Variants in MUC12 observed in about 807,000 individuals in gnomAD.
MUC12 encodes mucin-12.
In MUC12, 172 loss-of-function variants were observed where a neutral mutation model predicts 230.8. The ratio of observed to expected loss-of-function variants is 0.75; its 90% CI spans 0.66 to 0.85. The LOEUF (loss-of-function observed/expected upper bound fraction) is 0.85, where lower values mean the gene tolerates loss of function less well. Among genes scored for constraint, MUC12 ranks in the 40% least tolerant of loss-of-function variants. MUC12 has a pLI of 0.00. For missense variants in MUC12, 3,506 were observed against 5,920.6 expected, an observed-to-expected ratio of 0.59 and a Z score of 13.38; for synonymous variants, 1,259 against 2,401.9, an observed-to-expected ratio of 0.52 and a Z score of 13.91.
At position 100,978,006 on chromosome 7, in the gene MUC12, G is replaced by A. The variant is rs1346443840; in HGVS notation, c.67+8317G>A. Among the ~76,000 whole-genome samples, 3 of 152,220 alleles carry A rather than the reference G, an allele frequency of 2.0e-5. No individual in the cohort carries two copies. The East Asian group carries it at 5.8e-4, about 29-fold the overall frequency. On this transcript the variant is annotated intron_variant, in intron 1 of 11. Transcript: ENST00000536621. ...TTTCTCTGACAAGTATGCAGATTTA[G>A]GGCCCATCCTAAATCTGATCTTGAG...
At chr7:101,015,841 C>T (rs115309137) in intron 10 of MUC12, 150 bp downstream of exon 10, 12,229 of 678,720 alleles carry the variant, frequency 0.018, 557 homozygotes, top group African/African-American at 0.14. Flanking sequence ...GCTGCAGCCC[C>T]GGACCCAGAC....
In MUC12 at chr7:101,009,374, G is replaced by A. The variant is rs140780633; in HGVS notation, c.15251+215G>A. 1.0e-3 allele frequency among the ~76,000 whole-genome samples: 156 copies of A among 152,342 alleles called. 1 individual carries two copies. The highest frequency in any genetic ancestry group is 3.5e-3 in the African/African-American group (147 of 41,582). ...GTTGAAAGCCAGCCCCCTGCTGGGT[G>A]CTGGGAACACAGTAGTCCCAGTTTT... On this transcript the variant is annotated intron_variant, in intron 5 of 11. Coordinates refer to ENST00000536621, the MANE Select transcript of MUC12 (RefSeq NM_001164462.2).
At position 101,012,852 on chromosome 7, in the gene MUC12, T is replaced by G. The variant is rs1049850737; in HGVS notation, c.15437T>G (p.Phe5146Cys). The change falls in exon 7 of 12, where the codon TTC (phenylalanine) becomes TGC (cysteine). Residue 5146 changes from phenylalanine (F) to cysteine (C), a missense_variant. Transcript: ENST00000536621. ...AILCYSEEDT[F>C]VDSSVTPGFD... Reference sequence around the variant, plus strand: ...CTGTGCTATAGTGAAGAGGACACTTTCGTGGATTCATCGGTGACTCCGGGC... The same window carrying G: ...CTGTGCTATAGTGAAGAGGACACTTGCGTGGATTCATCGGTGACTCCGGGC... 2.0e-6 allele frequency: 3 copies of G among 1,537,142 alleles called. No homozygotes were observed. Among genetic ancestry groups the G allele is most frequent in the East Asian group, 2.4e-5 (1 of 40,912 alleles).
In MUC12 at chr7:100,992,235, C is replaced by G; in HGVS notation, c.1672C>G (p.Pro558Ala). Residue 558 changes from proline to alanine, a missense_variant, in exon 2 of 12, where the codon CCC (proline) becomes GCC (alanine). Transcript: ENST00000536621. ...ESTASHSSPG[P>A]TDTTLSPGST... ...TACAGCTTCCCACAGCAGCCCAGGCCCCACAGACACAACATTGTCCCCTGG... is the reference window on the plus strand; with the variant it reads ...TACAGCTTCCCACAGCAGCCCAGGCGCCACAGACACAACATTGTCCCCTGG... 6.5e-7 allele frequency: 1 copy of G among 1,537,112 alleles called. No homozygotes were observed. Among genetic ancestry groups the G allele is most frequent in the African/African-American group, 1.4e-5 (1 of 73,054 alleles).
In MUC12 at chr7:101,002,860, C is replaced by A. The variant is rs1219952713; in HGVS notation, c.12297C>A (p.Val4099=). 3 of 1,072,424 alleles carry A rather than the reference C, an allele frequency of 2.8e-6. No individual in the cohort carries two copies. Among genetic ancestry groups the A allele is most frequent in the South Asian group, 3.1e-5 (2 of 65,572 alleles). The allele number at this position is 1,072,424 out of a possible 1,614,324, so 66.4% of individuals were successfully genotyped here. ...CTTCACCTCCCAGCACCACAGCAGT[C>A]CCTGTTGAAGTATCCACAACCTACC... ...TTPSPPSTTA[V]PVEVSTTYHS... The change falls in exon 2 of 12, where the codon GTC becomes GTA. Residue 4099 remains valine, a synonymous_variant. Transcript: ENST00000536621.
Position 100,993,383 on chromosome 7 carries a change from C to G in MUC12, c.2820C>G (p.Ser940Arg). 9.7e-7 allele frequency: 1 copy of G among 1,027,756 alleles called. No individual in the cohort carries two copies. The highest frequency in any genetic ancestry group is 1.3e-6 in the Non-Finnish European group (1 of 762,744). 63.7% of individuals were successfully genotyped at this position (1,027,756 alleles called of 1,614,324 possible). A position where few individuals can be genotyped will look rare whatever the true frequency, so the allele number is the denominator to read the frequency against. ...SFGQESTTFHSNPGSTHTTLF... is the reference protein window; with the variant it reads ...SFGQESTTFHRNPGSTHTTLF... ...GTCAAGAATCTACAACCTTCCACAG[C>G]AACCCAGGCTCCACTCACACAACAC... Residue 940 changes from serine to arginine, a missense_variant, in exon 2 of 12, where the codon AGC becomes AGG. Coordinates refer to ENST00000536621, the MANE Select transcript of MUC12 (RefSeq NM_001164462.2).
chr7:101,017,037 G>C (rs1266501426), intron 10 of MUC12: 1 of 151,938 alleles, frequency 6.6e-6, no homozygotes, highest in Non-Finnish European at 1.5e-5. Context: ...AGGACAGGTA[G>C]GGCATGAGGA....
In MUC12 at chr7:100,995,528, C is replaced by T. The variant is rs748324320; in HGVS notation, c.4965C>T (p.Gly1655=). 1.1e-5 allele frequency: 17 copies of T among 1,536,164 alleles called. No individual in the cohort carries two copies. The highest frequency in any genetic ancestry group is 3.9e-5 in the Admixed American group (2 of 50,912). The change falls in exon 2 of 12, where the codon GGC becomes GGT. Residue 1655 remains glycine (G), a synonymous_variant. Transcript: ENST00000536621. ...TACCTGACAACACCACAGCCTCAGG[C>T]CTCCTTGAAGCATCTACGCCCGTCC... ...TLLPDNTTAS[G]LLEASTPVHS... is the part of the protein sequence containing the mutation.
intron 3 of MUC12, among the ~76,000 whole-genome samples, chr7:101,006,993 C>G (rs1201374247): frequency 6.6e-6 from 1 of 152,156 alleles, no homozygotes; most frequent in Non-Finnish European, 1.5e-5. Context: ...GAGTCTCGCT[C>G]TGTCTCCCAG....
At chr7:100,975,803 C>G (rs960561627) in intron 1 of MUC12, among the ~76,000 whole-genome samples, 907 of 151,810 alleles carry the variant, frequency 6.0e-3, no homozygotes, top group African/African-American at 0.021. Flanking sequence ...ACTGCATTGT[C>G]TGAACTTCCA....
chr7:100,981,548 A>T (rs1793106313), intron 1 of MUC12: 1 of 439,222 alleles, frequency 2.3e-6, no homozygotes, highest in Admixed American at 4.2e-5. Context: ...TTTCAGAAAG[A>T]GGAAGGGCAG....
At position 100,993,018 on chromosome 7, in the gene MUC12, C is replaced by T; in HGVS notation, c.2455C>T (p.Leu819Phe). 16 of 1,536,982 alleles carry T rather than the reference C, an allele frequency of 1.0e-5. No individual in the cohort carries two copies. Among genetic ancestry groups the T allele is most frequent in the Non-Finnish European group, 1.3e-5 (15 of 1,147,042 alleles). Reference protein sequence around the residue: ...ALPGSTTTPGLSERSTTFHSS... With the variant: ...ALPGSTTTPGFSERSTTFHSS... ...ACCCGGCAGTACCACAACGCCAGGC[C>T]TCAGTGAGAGATCTACCACTTTCCA... The change falls in exon 2 of 12, where the codon CTC becomes TTC. Residue 819 changes from leucine (L) to phenylalanine (F), a missense_variant. Coordinates refer to ENST00000536621, the MANE Select transcript of MUC12 (RefSeq NM_001164462.2).
At position 101,015,688 on chromosome 7, in the gene MUC12, G is replaced by A. The variant is rs772768913; in HGVS notation, c.15874G>A (p.Glu5292Lys). The change falls in exon 10 of 12, where the codon GAA becomes AAA. Residue 5292 changes from glutamate to lysine, a missense_variant. Transcript: ENST00000536621. ...PGIFQKTAIW[E>K]DQNLRESRFG... ...CATCTTCCAGAAGACGGCCATCTGG[G>A]AAGGTACCTCTAGTTAAGGGCAAGG... is the stretch of plus-strand genomic sequence containing the variant. 21 of 1,537,434 alleles carry A rather than the reference G, an allele frequency of 1.4e-5. No homozygotes were observed. In the South Asian group the frequency reaches 2.5e-4, roughly 18 times the overall value.
At position 101,013,055 on chromosome 7, in the gene MUC12, G is replaced by A; in HGVS notation, c.15551G>A (p.Cys5184Tyr). The A allele has an allele frequency of 6.5e-7, 1 of 1,537,368 alleles. No individual in the cohort carries two copies. The highest frequency in any genetic ancestry group is 8.7e-7 in the Non-Finnish European group (1 of 1,146,940). ...GATGTCTTGGATGGGAAGCTGGCCT[G>A]TGTGAACAAGTGCACCAAAGGAACG... ...YVDVLDGKLA[C>Y]VNKCTKGTKS... Residue 5184 changes from cysteine to tyrosine, a missense_variant, in exon 8 of 12, where the codon TGT becomes TAT. Cys to Tyr is a radical substitution (Grantham distance 194). Coordinates refer to ENST00000536621, the MANE Select transcript of MUC12 (RefSeq NM_001164462.2).
chr7:101,011,895 A>G (rs557109010), intron 5 of MUC12, among the ~76,000 whole-genome samples: 1 of 152,194 alleles, frequency 6.6e-6, no homozygotes, highest in Non-Finnish European at 1.5e-5. Flanking sequence ...GTTATTTTGT[A>G]TATATACCCA....
chr7:101,013,250 C>A (rs1793864272), intron 8 of MUC12, 108 bp downstream of exon 8: 2 of 1,238,066 alleles, frequency 1.6e-6, no homozygotes, highest in East Asian at 2.5e-5. Flanking sequence ...TTGGGAGGTG[C>A]CTCCTCCCCA....
intron 2 of MUC12, among the ~76,000 whole-genome samples, chr7:101,006,172 T>C (rs1783763922): frequency 6.6e-6 from 1 of 152,130 alleles, no homozygotes. Flanking sequence ...TCCAACTCTT[T>C]CTCCTCCCTG....
At chr7:101,007,888 C>G (rs1264383968) in intron 3 of MUC12, among the ~76,000 whole-genome samples, 5 of 151,000 alleles carry the variant, frequency 3.3e-5, no homozygotes, top group Admixed American at 3.3e-4. Flanking sequence ...AGCTCCACCT[C>G]CCAGGTTCAT....
rs573286096 is a variant in MUC12 at position 101,018,742 on chromosome 7, C to A, written c.*106C>A. 1,070 of 1,199,132 alleles carry A rather than the reference C, an allele frequency of 8.9e-4. 12 individuals are homozygous for A. In the South Asian group the frequency reaches 0.016, roughly 18 times the overall value. The allele number at this position is 1,199,132 out of a possible 1,614,324, so 74.3% of individuals were successfully genotyped here. A position where few individuals can be genotyped will look rare whatever the true frequency, so the allele number is the denominator to read the frequency against. On this transcript the variant is annotated 3_prime_UTR_variant, in exon 12 of 12. Transcript: ENST00000536621. ...GGTCAAGAGGAGACCGAAGTCAGGC[C>A]CTGAAGCCGGTCCTGCTCTGAGCTG...
Sources: allele counts gnomAD v4.1 joint callset (sites outside exome capture counted in the v4.1 genomes callset), GRCh38; gene constraint gnomAD v4.1.1; transcripts MANE v1.5; gene names NCBI Gene and HGNC (gene_info 2026-07-23, HGNC 2026-07-21).